The following AKAP13 variants were observed in gnomAD, a reference collection of about 807,000 sequenced individuals.
AKAP13 encodes the protein A-kinase anchoring protein 13.
AKAP13 carries 80 observed loss-of-function variants against 264.5 expected under a neutral mutation model. That is an observed-to-expected ratio of 0.30 (90% CI 0.25 to 0.36). The LOEUF is 0.36. AKAP13 is among the 10% of genes least tolerant of loss of function. AKAP13 has a pLI of 1.00. For synonymous variants in AKAP13, 1,380 were observed against 1,250.2 expected (o/e 1.10, Z -2.19); for missense variants, 3,712 against 3,435.2 (o/e 1.08, Z -2.01).
In AKAP13 at chr15:85,619,988, C is replaced by T. The variant is rs1221683677; in HGVS notation, c.4162-19386C>T. On this transcript the variant is annotated intron_variant, in intron 8 of 36. Coordinates refer to ENST00000394518, the MANE Select transcript of AKAP13 (RefSeq NM_007200.5). ...GAGTCTGGAAGGCAGAGATCTCCACCACCTAACCGTGAGAAATTTGGAACT... is the reference window on the plus strand; with the variant it reads ...GAGTCTGGAAGGCAGAGATCTCCACTACCTAACCGTGAGAAATTTGGAACT... 1.5e-5 allele frequency: 23 copies of T among 1,494,496 alleles called. No individual in the cohort carries two copies. The South Asian group carries it at 2.6e-4, about 17-fold the overall frequency. 92.6% of individuals were successfully genotyped at this position (1,494,496 alleles called of 1,614,324 possible).
intron 8 of AKAP13, among the ~76,000 whole-genome samples, chr15:85,590,095 A>G (rs2079525474): frequency 6.6e-6 from 1 of 152,186 alleles, no homozygotes; most frequent in African/African-American, 2.4e-5. Context: ...TCTTTCTGCC[A>G]CATACCCCGT....
At chr15:85,630,430 C>A (rs1290633424) in intron 8 of AKAP13, among the ~76,000 whole-genome samples, 1 of 152,162 alleles carries the variant, frequency 6.6e-6, no homozygotes, top group Non-Finnish European at 1.5e-5. Context: ...CATGCATTGT[C>A]CAAGTGAACA....
intron 7 of AKAP13, 47 bp from the exon 8 acceptor site, chr15:85,585,655 G>A (rs756322800): frequency 6.2e-6 from 10 of 1,611,806 alleles, no homozygotes; most frequent in Non-Finnish European, 6.8e-6. Flanking sequence ...GTAAGGCACA[G>A]GAATCAGTTT....
At chr15:85,498,671 T>G (rs960751550) in intron 2 of AKAP13, among the ~76,000 whole-genome samples, 2 of 152,200 alleles carry the variant, frequency 1.3e-5, no homozygotes, top group Admixed American at 1.3e-4. Flanking sequence ...CTTTTTCAAA[T>G]GTAAGACATA....
intron 16 of AKAP13, among the ~76,000 whole-genome samples, chr15:85,685,663 T>G (rs1471140158): frequency 1.3e-5 from 2 of 152,148 alleles, no homozygotes; most frequent in East Asian, 3.9e-4. Flanking sequence ...TGAGCTATGT[T>G]TAAATTTGTT....
At chr15:85,679,667 C>G (rs1400045888) in intron 14 of AKAP13, among the ~76,000 whole-genome samples, 1 of 152,174 alleles carries the variant, frequency 6.6e-6, no homozygotes, top group Admixed American at 6.5e-5. Context: ...TGAAAAATAT[C>G]AACTGTGTCC....
Position 85,413,706 on chromosome 15 carries a change from G to T in AKAP13, c.-12+32908G>T, listed in dbSNP as rs114999712. ...CAGCTCCGGACGGTGAGATCGCAGT[G>T]TGTTCTCAGGCCCTTGTTAGGATTC... On this transcript the variant is annotated intron_variant, in intron 1 of 36. Transcript: ENST00000394518. Among the ~76,000 whole-genome samples the T allele has an allele frequency of 8.6e-3, 1,308 of 152,240 alleles. 14 individuals carry two copies. Among genetic ancestry groups the T allele is most frequent in the African/African-American group, 0.03 (1,253 of 41,514 alleles).
chr15:85,487,889 G>T (rs1261224129), intron 2 of AKAP13, among the ~76,000 whole-genome samples: 2 of 150,838 alleles, frequency 1.3e-5, no homozygotes, highest in Non-Finnish European at 3.0e-5. Context: ...GCGCCATCAT[G>T]CCTGGCTATT....
chr15:85,725,808 A>G (rs1034894346), intron 26 of AKAP13, among the ~76,000 whole-genome samples: 2 of 152,240 alleles, frequency 1.3e-5, no homozygotes, highest in African/African-American at 2.4e-5. Flanking sequence ...TAAGCTGACT[A>G]TTGCATATGG....
In AKAP13 at chr15:85,408,735, A is replaced by G. The variant is rs146780071; in HGVS notation, c.-12+27937A>G. Among the ~76,000 whole-genome samples, 317 of 151,952 alleles carry G rather than the reference A, an allele frequency of 2.1e-3. 7 individuals are homozygous for G. Among genetic ancestry groups the G allele is most frequent in the African/African-American group, 7.4e-3 (305 of 41,200 alleles). ...TTTATCCATTCATCCACCAATGGAC[A>G]CTAGAGTTGTTTCCACATATGGGTT... is the stretch of plus-strand genomic sequence containing the variant. On this transcript the variant is annotated intron_variant, in intron 1 of 36. Transcript: ENST00000394518.
At chr15:85,413,722 G>A (rs1157826608) in intron 1 of AKAP13, among the ~76,000 whole-genome samples, 1 of 152,148 alleles carries the variant, frequency 6.6e-6, no homozygotes, top group African/African-American at 2.4e-5. Flanking sequence ...TCAGGCCCTT[G>A]TTAGGATTCT....
chr15:85,663,141 C>A (rs528665068), intron 12 of AKAP13, among the ~76,000 whole-genome samples: 2 of 152,050 alleles, frequency 1.3e-5, no homozygotes, highest in Non-Finnish European at 2.9e-5. Context: ...GAAACCCCAT[C>A]TCTACTAAAA....
At chr15:85,527,538 G>A (rs967486390) in intron 3 of AKAP13, among the ~76,000 whole-genome samples, 5 of 152,230 alleles carry the variant, frequency 3.3e-5, no homozygotes, top group African/African-American at 4.8e-5. Flanking sequence ...AAAAGGCTGA[G>A]AAACACTGCC....
intron 5 of AKAP13, among the ~76,000 whole-genome samples, chr15:85,571,696 G>A (rs992612477): frequency 1.3e-5 from 2 of 152,132 alleles, no homozygotes; most frequent in Non-Finnish European, 1.5e-5. Flanking sequence ...TCCCTTGTTC[G>A]ACAGAACAGG....
intron 3 of AKAP13, among the ~76,000 whole-genome samples, chr15:85,521,909 A>G (rs2076836126): frequency 6.6e-6 from 1 of 152,206 alleles, no homozygotes; most frequent in Non-Finnish European, 1.5e-5. Flanking sequence ...GGATTTAAAG[A>G]TTCTAGAGAG....
chr15:85,477,361 C>T (rs2075201449), intron 1 of AKAP13, among the ~76,000 whole-genome samples: 1 of 151,754 alleles, frequency 6.6e-6, no homozygotes, highest in Non-Finnish European at 1.5e-5. Context: ...TCCAAGACCC[C>T]TTCTACCTGT....
chr15:85,596,213 A>G (rs770563771), intron 8 of AKAP13, among the ~76,000 whole-genome samples: 4 of 152,232 alleles, frequency 2.6e-5, no homozygotes, highest in Non-Finnish European at 5.9e-5. Context: ...CTCAGAAGTC[A>G]GAGTAAGCCA....
chr15:85,690,279 C>G (rs983145356), intron 16 of AKAP13, among the ~76,000 whole-genome samples: 1 of 152,288 alleles, frequency 6.6e-6, no homozygotes, highest in African/African-American at 2.4e-5. Context: ...AGAGGATAAG[C>G]TGGTTGCCAT....
At chr15:85,402,870 A>C (rs745974966) in intron 1 of AKAP13, among the ~76,000 whole-genome samples, 4 of 152,220 alleles carry the variant, frequency 2.6e-5, no homozygotes, top group Non-Finnish European at 4.4e-5. Context: ...AAATGTGTGC[A>C]TTCTTTATTA....
Sources: allele counts gnomAD v4.1 joint callset (sites outside exome capture counted in the v4.1 genomes callset), GRCh38; gene constraint gnomAD v4.1.1; transcripts MANE v1.5; gene names NCBI Gene and HGNC (gene_info 2026-07-23, HGNC 2026-07-21).